Variants in CES5A observed in about 807,000 individuals in gnomAD.
CES5A encodes the protein carboxylesterase 5.
A neutral mutation model predicts 62.9 loss-of-function variants in CES5A; 67 were observed. That is an observed-to-expected ratio of 1.07 (90% CI 0.88 to 1.31). CES5A has a LOEUF of 1.31. Ranked by LOEUF, CES5A falls within the 50% of genes most tolerant of loss-of-function variation. CES5A has a pLI of 0.00. For synonymous variants in CES5A, 296 were observed against 280.8 expected (o/e 1.05, Z -0.54); for missense variants, 748 against 708.5 (o/e 1.06, Z -0.63).
At chr16:55,861,617 A>G (rs1597117406) in intron 6 of CES5A, 101 bp from the exon 7 acceptor site, 10 of 791,538 alleles carry the variant, frequency 1.3e-5, no homozygotes, top group South Asian at 1.4e-5. Flanking sequence ...CTGGCCCTCC[A>G]TATATGAGTC....
At chr16:55,886,851 T>C (rs1345189623) in intron 1 of CES5A, among the ~76,000 whole-genome samples, 3 of 152,084 alleles carry the variant, frequency 2.0e-5, no homozygotes, top group Non-Finnish European at 4.4e-5. Context: ...CATGGGATCC[T>C]ATGTAATCCC....
intron 2 of CES5A, 66 bp from the exon 3 acceptor site, chr16:55,871,829 T>C (rs2142412264): frequency 6.4e-7 from 1 of 1,572,716 alleles, no homozygotes; most frequent in Non-Finnish European, 8.7e-7. Flanking sequence ...GAAGGGCCAG[T>C]TCTTCTGACA....
At chr16:55,850,035 G>T (rs2033099097) in intron 10 of CES5A, among the ~76,000 whole-genome samples, 1 of 152,204 alleles carries the variant, frequency 6.6e-6, no homozygotes, top group Admixed American at 6.5e-5. Flanking sequence ...GATCTACTTT[G>T]TTGGGACTTT....
chr16:55,874,614 A>T (rs1350557871), intron 1 of CES5A, among the ~76,000 whole-genome samples: 1 of 152,062 alleles, frequency 6.6e-6, no homozygotes, highest in Non-Finnish European at 1.5e-5. Context: ...ATGAATATTC[A>T]TGGGTGAAAA....
rs1567319951 is a variant in CES5A at position 55,846,411 on chromosome 16, GGGA to G, written c.*37_*39del. 2.0e-6 allele frequency: 3 copies of G among 1,464,206 alleles called. No homozygotes were observed. The highest frequency in any genetic ancestry group is 1.4e-5 in the African/African-American group (1 of 70,906). 90.7% of individuals were successfully genotyped at this position (1,464,206 alleles called of 1,614,324 possible). ...AGCTAATGATTGCGGGAGAAATTAT[GGGA>G]GGAGAAGGGAAACCAAAATCACAGA... On this transcript the variant is annotated 3_prime_UTR_variant, in exon 13 of 13. Transcript: ENST00000290567.
chr16:55,932,560 G>GA (rs1282537477), intron 2 of CES5A, among the ~76,000 whole-genome samples: 2 of 147,342 alleles, frequency 1.4e-5, no homozygotes, highest in Non-Finnish European at 3.0e-5. Context: ...AGAAAATAAT[G>GA]GGGGGGGGAG....
intron 1 of CES5A, among the ~76,000 whole-genome samples, chr16:55,917,555 A>G (rs1442532894): frequency 2.0e-5 from 3 of 152,244 alleles, no homozygotes; most frequent in African/African-American, 7.2e-5. Context: ...GCCATTGGCC[A>G]AATGCCTTCT....
upstream of CES5A, among the ~76,000 whole-genome samples, chr16:55,876,540 C>T (rs1488251073): frequency 1.3e-5 from 2 of 151,992 alleles, no homozygotes; most frequent in African/African-American, 4.8e-5. Context: ...ATGCAAAGTG[C>T]CCTGACTCCC....
In CES5A at chr16:55,955,792, AG is replaced by A. The variant is rs2034603144; in HGVS notation, c.42+51del. 2.0e-6 allele frequency: 3 copies of A among 1,522,826 alleles called. No homozygotes were observed. The East Asian group carries it at 7.4e-5, about 37-fold the overall frequency. The allele number at this position is 1,522,826 out of a possible 1,614,324, so 94.3% of individuals were successfully genotyped here. On this transcript the variant is annotated intron_variant, in intron 1 of 13. Transcript: ENST00000521992. ...ATCTAAGGCTCATCTTTCTCATTCC[AG>A]TGGGTTTGGGGGTGGGGTCCAGGCA... is the stretch of plus-strand genomic sequence containing the variant.
intron 1 of CES5A, among the ~76,000 whole-genome samples, chr16:55,912,599 G>A (rs2034106090): frequency 6.7e-6 from 1 of 150,072 alleles, no homozygotes; most frequent in South Asian, 2.1e-4. Context: ...AGGAAGACAA[G>A]GAGGAGGAGG....
At chr16:55,881,775 T>C (rs1417984648) in intron 1 of CES5A, among the ~76,000 whole-genome samples, 1 of 152,206 alleles carries the variant, frequency 6.6e-6, no homozygotes, top group Non-Finnish European at 1.5e-5. Context: ...AAGGAATTAT[T>C]TGAGAAGCTC....
intron 1 of CES5A, among the ~76,000 whole-genome samples, chr16:55,888,994 A>G (rs2033845854): frequency 6.6e-6 from 1 of 152,140 alleles, no homozygotes; most frequent in Non-Finnish European, 1.5e-5. Context: ...TAAAATTATA[A>G]TGTGCTTCTC....
intron 1 of CES5A, among the ~76,000 whole-genome samples, chr16:55,923,126 T>A (rs545217142): frequency 1.3e-5 from 2 of 150,548 alleles, no homozygotes; most frequent in South Asian, 4.2e-4. Context: ...CTTCAAGCAA[T>A]TAGAAAAGCA....
chr16:55,932,559 T>TG (rs1224219495), intron 2 of CES5A, among the ~76,000 whole-genome samples: 143 of 4,872 alleles, frequency 0.029, no homozygotes, highest in East Asian at 0.078. Context: ...CAGAAAATAA[T>TG]GGGGGGGGGA....
At chr16:55,884,590 A>C in intron 1 of CES5A, among the ~76,000 whole-genome samples, 1 of 144,020 alleles carries the variant, frequency 6.9e-6, no homozygotes, top group African/African-American at 2.5e-5. Flanking sequence ...ACCACCACTA[A>C]ACTTCTTCCT....
At chr16:55,924,465 A>G (rs1311459750) in intron 1 of CES5A, among the ~76,000 whole-genome samples, 1 of 152,072 alleles carries the variant, frequency 6.6e-6, no homozygotes, top group Non-Finnish European at 1.5e-5. Flanking sequence ...ATGGATTTAA[A>G]AAATTAATAT....
chr16:55,932,389 T>C (rs1292303597), intron 2 of CES5A, among the ~76,000 whole-genome samples: 4 of 152,156 alleles, frequency 2.6e-5, no homozygotes, highest in Non-Finnish European at 4.4e-5. Flanking sequence ...ACTAAGACAC[T>C]GGGGGTACAA....
intron 1 of CES5A, among the ~76,000 whole-genome samples, chr16:55,887,344 C>T (rs567783602): frequency 6.8e-6 from 1 of 147,980 alleles, no homozygotes; most frequent in Non-Finnish European, 1.5e-5. Flanking sequence ...GATCTGCTGC[C>T]TGATGACTTC....
intron 1 of CES5A, among the ~76,000 whole-genome samples, chr16:55,921,723 G>A (rs529405477): frequency 6.6e-6 from 1 of 150,482 alleles, no homozygotes; most frequent in South Asian, 2.1e-4. Context: ...ACAAACCCAG[G>A]ATACTCTAAT....
Sources: allele counts gnomAD v4.1 joint callset (sites outside exome capture counted in the v4.1 genomes callset), GRCh38; gene constraint gnomAD v4.1.1; transcripts MANE v1.5; gene names NCBI Gene and HGNC (gene_info 2026-07-23, HGNC 2026-07-21).